DNAJC5G: variants seen among roughly 807,000 people sequenced by gnomAD.
The protein encoded by DNAJC5G is dnaJ homolog subfamily C member 5G.
DNAJC5G carries 13 observed loss-of-function variants against 19.1 expected under a neutral mutation model. The ratio of observed to expected loss-of-function variants is 0.68; its 90% CI spans 0.44 to 1.08. The LOEUF (loss-of-function observed/expected upper bound fraction) is 1.08, where lower values mean the gene tolerates loss of function less well. DNAJC5G is among the 50% of genes least tolerant of loss of function. The probability of loss-of-function intolerance (pLI) is 0.00; values close to 1 mark genes in which losing one functional copy is unlikely to be tolerated. For missense variants in DNAJC5G, 245 were observed against 230.4 expected, an observed-to-expected ratio of 1.06 and a Z score of -0.41; for synonymous variants, 81 against 84.4, an observed-to-expected ratio of 0.96 and a Z score of 0.22.
At chr2:27,277,278 G>A (rs1354686255) in intron 3 of DNAJC5G, among the ~76,000 whole-genome samples, 2 of 137,888 alleles carry the variant, frequency 1.5e-5, no homozygotes, top group Non-Finnish European at 1.5e-5. Flanking sequence ...TTGTTTGTTT[G>A]TTTTGAGACA....
At chr2:27,276,950 G>A in intron 3 of DNAJC5G, 109 bp downstream of exon 3, 1 of 875,016 alleles carries the variant, frequency 1.1e-6, no homozygotes, top group Non-Finnish European at 1.7e-6. Context: ...TTTTTGAGAG[G>A]AAGTCTCGTC....
intron 3 of DNAJC5G, among the ~76,000 whole-genome samples, 169 bp from the exon 4 acceptor site, chr2:27,277,585 A>G (rs1180227268): frequency 6.6e-6 from 1 of 152,056 alleles, no homozygotes; most frequent in Non-Finnish European, 1.5e-5. Context: ...TTAAGTTCCA[A>G]CAAGCCCTCA....
chr2:27,275,866 A>ACCCCCCCCCCCCCCCC (rs1572502161), intron 1 of DNAJC5G: 3 of 93,182 alleles, frequency 3.2e-5, no homozygotes, highest in African/African-American at 8.4e-5. Context: ...AGCACTCCCC[A>ACCCCCCCCCCCCCCCC]CCCCCGCCCC....
chr2:27,277,208 C>G lies in DNAJC5G; in HGVS notation c.113+367C>G, dbSNP rs112641211. ...CTACCTGCCTCGGCCTCCCAAAGTGCTGGGATTACAGGTGTGAACCACTGT... is the reference window on the plus strand; with the variant it reads ...CTACCTGCCTCGGCCTCCCAAAGTGGTGGGATTACAGGTGTGAACCACTGT... On this transcript the variant is annotated intron_variant, in intron 3 of 6. Transcript: ENST00000296097. Among the ~76,000 whole-genome samples, 847 of 151,886 alleles carry G rather than the reference C, an allele frequency of 5.6e-3. 8 individuals are homozygous for G. Among genetic ancestry groups the G allele is most frequent in the African/African-American group, 0.02 (812 of 41,370 alleles).
At position 27,278,087 on chromosome 2, in the gene DNAJC5G, C is replaced by T. The variant is rs1446437262; in HGVS notation, c.375+72C>T. 6 of 1,607,204 alleles carry T rather than the reference C, an allele frequency of 3.7e-6. No homozygotes were observed. In the South Asian group the frequency reaches 6.7e-5, roughly 18 times the overall value. ...CTTCCTTTCCTTATGACAAATGCTTCTGTTGTCTCATTTTCTGGGTGCCAG... is the reference window on the plus strand; with the variant it reads ...CTTCCTTTCCTTATGACAAATGCTTTTGTTGTCTCATTTTCTGGGTGCCAG... On this transcript the variant is annotated intron_variant, in intron 4 of 6. Transcript: ENST00000296097.
Position 27,276,798 on chromosome 2 carries a change from C to CT in DNAJC5G, c.72dup (p.Lys25Ter). The CT allele has an allele frequency of 6.2e-7, 1 of 1,614,064 alleles. No individual in the cohort carries two copies. On this transcript the variant is annotated frameshift_variant, in exon 3 of 7. Coordinates refer to ENST00000296097, the MANE Select transcript of DNAJC5G (RefSeq NM_173650.3). LOFTEE classifies it high-confidence loss of function. ...GATGAGCCTCTATGCAGTGCTGGAT[C>CT]TTAAGAAGGGCGCCTCACCTGAAGA... is the stretch of plus-strand genomic sequence containing the variant.
At chr2:27,276,867 C>T (rs1678108644) in intron 3 of DNAJC5G, 26 bp downstream of exon 3, 3 of 1,585,206 alleles carry the variant, frequency 1.9e-6, no homozygotes, top group Non-Finnish European at 2.6e-6. Context: ...CTTTATTGAT[C>T]CTTGGAATTT....
intron 3 of DNAJC5G, 46 bp from the exon 4 acceptor site, chr2:27,277,708 C>G (rs752268950): frequency 2.5e-6 from 4 of 1,609,394 alleles, no homozygotes; most frequent in Non-Finnish European, 3.4e-6. Context: ...CTTCTGCACT[C>G]TCTAGAGACT....
rs971349117 is a variant in DNAJC5G at position 27,279,225 on chromosome 2, G to A, written c.520+893G>A. Among the ~76,000 whole-genome samples the A allele has an allele frequency of 3.9e-5, 6 of 152,132 alleles. No individual in the cohort carries two copies. In the South Asian group the frequency reaches 1.2e-3, roughly 32 times the overall value. On this transcript the variant is annotated intron_variant, in intron 5 of 6. Coordinates refer to ENST00000296097, the MANE Select transcript of DNAJC5G (RefSeq NM_173650.3). ...CCTGTTAAGCTAAGGAATGGGGTGGGAGAGTATGTCTAGAGAGGACAGTTA... is the reference window on the plus strand; with the variant it reads ...CCTGTTAAGCTAAGGAATGGGGTGGAAGAGTATGTCTAGAGAGGACAGTTA...
In DNAJC5G at chr2:27,277,736, G is replaced by A. The variant is rs778677815; in HGVS notation, c.114-18G>A. 3.4e-5 allele frequency: 55 copies of A among 1,613,372 alleles called. No individual in the cohort carries two copies. Among genetic ancestry groups the A allele is most frequent in the Admixed American group, 2.3e-4 (14 of 59,966 alleles). On this transcript the variant is annotated intron_variant, in intron 3 of 6. Coordinates refer to ENST00000296097, the MANE Select transcript of DNAJC5G (RefSeq NM_173650.3). The stretch of plus-strand genomic sequence containing the variant: ...TAGAGACTAATCCATGTCATTCATC[G>A]TAAGTCTCCTTCCCCAGCCATTCCG...
Position 27,280,142 on chromosome 2 carries a change from A to G in DNAJC5G, c.521-24A>G, listed in dbSNP as rs1678305084. 1.9e-6 allele frequency: 3 copies of G among 1,605,688 alleles called. No individual in the cohort carries two copies. In the African/African-American group the frequency reaches 4.0e-5, roughly 21 times the overall value. ...AAGTTACTAAACGTTTGTATATGTA[A>G]ACATATATATAATTCCATCATAGGA... On this transcript the variant is annotated intron_variant, in intron 5 of 6. Coordinates refer to ENST00000296097, the MANE Select transcript of DNAJC5G (RefSeq NM_173650.3).
intron 5 of DNAJC5G, among the ~76,000 whole-genome samples, chr2:27,279,022 AGAAAG>A (rs1409325488): frequency 6.6e-6 from 1 of 151,054 alleles, no homozygotes; most frequent in Non-Finnish European, 1.5e-5. Context: ...AAAAAAAAAA[AGAAAG>A]AAAGAAATGG....
At position 27,280,991 on chromosome 2, in the gene DNAJC5G, C is replaced by T. The variant is rs1678347492; in HGVS notation, c.*581C>T. ...ATCTTCTGGTGCCCACGGCCATTGG[C>T]ATTGCCAGCCTCATTCCATGCCACT... On this transcript the variant is annotated 3_prime_UTR_variant, in exon 7 of 7. Transcript: ENST00000296097. The T allele has an allele frequency of 6.6e-6, 1 of 152,356 alleles. No homozygotes were observed. The highest frequency in any genetic ancestry group is 2.4e-5 in the African/African-American group (1 of 41,460). The allele number at this position is 152,356 out of a possible 1,614,324, so 9.4% of individuals were successfully genotyped here. A position where few individuals can be genotyped will look rare whatever the true frequency, so the allele number is the denominator to read the frequency against.
chr2:27,278,152 A>C (rs1487105732), intron 4 of DNAJC5G, 36 bp from the exon 5 acceptor site: 2 of 1,613,668 alleles, frequency 1.2e-6, no homozygotes, highest in Admixed American at 3.3e-5. Context: ...CATATAGAAA[A>C]CTGCTGGACT....
chr2:27,279,661 C>T (rs923482702), intron 5 of DNAJC5G, among the ~76,000 whole-genome samples: 2 of 150,868 alleles, frequency 1.3e-5, no homozygotes, highest in Non-Finnish European at 2.9e-5. Context: ...CCTGTAATCC[C>T]AGCACTTTGG....
Position 27,280,456 on chromosome 2 carries a change from C to T in DNAJC5G, c.*46C>T. On this transcript the variant is annotated 3_prime_UTR_variant, in exon 7 of 7. Transcript: ENST00000296097. The stretch of plus-strand genomic sequence containing the variant: ...GCTGACCCAGTGAGGGTGCCTTCTG[C>T]TGCCCAGTCCCCTGGACACATTGAA... The T allele has an allele frequency of 2.0e-6, 1 of 492,044 alleles. No individual in the cohort carries two copies. Among genetic ancestry groups the T allele is most frequent in the Non-Finnish European group, 3.7e-6 (1 of 269,760 alleles). 30.5% of individuals were successfully genotyped at this position (492,044 alleles called of 1,614,324 possible).
rs1049756208 is a variant in DNAJC5G at position 27,278,430 on chromosome 2, C to A, written c.520+98C>A. 541 of 1,523,312 alleles carry A rather than the reference C, an allele frequency of 3.6e-4. 1 individual carries two copies. The highest frequency in any genetic ancestry group is 2.3e-3 in the Middle Eastern group (10 of 4,288). The allele number at this position is 1,523,312 out of a possible 1,614,324, so 94.4% of individuals were successfully genotyped here. A position where few individuals can be genotyped will look rare whatever the true frequency, so the allele number is the denominator to read the frequency against. ...GCACAATGGCTCATGCCTGTAATCCCAGCACTTTGGGAGGGTGAGGCGGGT... is the reference window on the plus strand; with the variant it reads ...GCACAATGGCTCATGCCTGTAATCCAAGCACTTTGGGAGGGTGAGGCGGGT... On this transcript the variant is annotated intron_variant, in intron 5 of 6. Transcript: ENST00000296097.
chr2:27,278,539 G>T (rs561327577), intron 5 of DNAJC5G, among the ~76,000 whole-genome samples: 7 of 151,714 alleles, frequency 4.6e-5, no homozygotes, highest in African/African-American at 1.7e-4. Flanking sequence ...AAATTAGCTG[G>T]GCATGGTGGC....
chr2:27,280,030 T>A (rs1678298415), intron 5 of DNAJC5G, 136 bp from the exon 6 acceptor site: 1 of 756,062 alleles, frequency 1.3e-6, no homozygotes, highest in Non-Finnish European at 2.2e-6. Flanking sequence ...TGAACTTTTA[T>A]AAGCTGATTG....
Sources: allele counts gnomAD v4.1 joint callset (sites outside exome capture counted in the v4.1 genomes callset), GRCh38; gene constraint gnomAD v4.1.1; transcripts MANE v1.5; gene names NCBI Gene and HGNC (gene_info 2026-07-23, HGNC 2026-07-21).